Variants in RAD51 observed in about 807,000 individuals in gnomAD.
RAD51 encodes RAD51 recombinase.
A neutral mutation model predicts 41.5 loss-of-function variants in RAD51; 14 were observed. The observed-to-expected ratio is 0.34, with a 90% CI of 0.22 to 0.53. The LOEUF is 0.53. RAD51 is among the 20% of genes least tolerant of loss of function. RAD51 has a pLI of 0.95. For missense variants in RAD51, 234 were observed against 422.0 expected, an observed-to-expected ratio of 0.55 and a Z score of 3.90; for synonymous variants, 136 against 148.6, an observed-to-expected ratio of 0.92 and a Z score of 0.62.
chr15:40,708,682 C>T (rs1895508739), intron 4 of RAD51, among the ~76,000 whole-genome samples: 1 of 152,146 alleles, frequency 6.6e-6, no homozygotes, highest in African/African-American at 2.4e-5. Context: ...CTCCCAGGCT[C>T]AAGTGATCCT....
intron 8 of RAD51, 33 bp downstream of exon 8, chr15:40,729,667 CT>C: frequency 1.2e-6 from 2 of 1,612,860 alleles, no homozygotes; most frequent in Non-Finnish European, 1.7e-6. Context: ...AGAATGCCTA[CT>C]TTCAGTGGCT....
chr15:40,731,247 G>A lies in RAD51; in HGVS notation c.*69G>A. 4 of 1,600,946 alleles carry A rather than the reference G, an allele frequency of 2.5e-6. No homozygotes were observed. The highest frequency in any genetic ancestry group is 3.4e-6 in the Non-Finnish European group (4 of 1,169,196). ...CTAATGAGAGTGCACTGCTCCCTGG[G>A]GTTCTCTACAGGCCTCTTCCTGTTG... On this transcript the variant is annotated 3_prime_UTR_variant, in exon 10 of 10. Coordinates refer to ENST00000267868, the MANE Select transcript of RAD51 (RefSeq NM_002875.5).
At chr15:40,709,520 C>A (rs1463756144) in intron 5 of RAD51, among the ~76,000 whole-genome samples, 5 of 151,426 alleles carry the variant, frequency 3.3e-5, no homozygotes, top group African/African-American at 1.2e-4. Flanking sequence ...ATTACAGGCG[C>A]CCACCAGCAT....
intron 1 of RAD51, among the ~76,000 whole-genome samples, chr15:40,698,251 C>T (rs1040459614): frequency 6.6e-6 from 1 of 151,474 alleles, no homozygotes; most frequent in African/African-American, 2.4e-5. Context: ...TACAGTGGCA[C>T]GATCTCGGCT....
chr15:40,730,511 A>ATTTTTTTTCTTTTT lies in RAD51; in HGVS notation c.897-535_897-522dup, dbSNP rs1490309663. Among the ~76,000 whole-genome samples the ATTTTTTTTCTTTTT allele has an allele frequency of 4.4e-4, 38 of 86,108 alleles. 5 individuals carry two copies. Among genetic ancestry groups the ATTTTTTTTCTTTTT allele is most frequent in the Admixed American group, 9.8e-4 (7 of 7,176 alleles). The allele number at this position is 86,108 out of a possible 152,430, so 56.5% of individuals were successfully genotyped here. On this transcript the variant is annotated intron_variant, in intron 9 of 9. Coordinates refer to ENST00000267868, the MANE Select transcript of RAD51 (RefSeq NM_002875.5). Reference sequence around the variant, plus strand: ...AAGAGCAGGACACTGTCTTGAAAAAATTTTTTTTCTTTTTTTTTTTTTTTT... The same window carrying ATTTTTTTTCTTTTT: ...AAGAGCAGGACACTGTCTTGAAAAAATTTTTTTTCTTTTTTTTTTTTTCTTTTTTTTTTTTTTTT...
intron 5 of RAD51, among the ~76,000 whole-genome samples, chr15:40,712,877 CTTTTTTTTTT>C (rs398039433): frequency 2.2e-4 from 23 of 103,898 alleles, no homozygotes; most frequent in Non-Finnish European, 3.2e-4. Flanking sequence ...CTTTTCTTTT[CTTTTTTTTTT>C]TTTTTTTTTG....
At chr15:40,718,705 TC>T in intron 5 of RAD51, 99 bp from the exon 6 acceptor site, 1 of 1,035,876 alleles carries the variant, frequency 9.7e-7, no homozygotes, top group Non-Finnish European at 1.5e-6. Flanking sequence ...AATGTTTTTT[TC>T]CCTTTGCCTT....
intron 1 of RAD51, 40 bp downstream of exon 1, chr15:40,695,465 G>A (rs914306107): frequency 6.6e-6 from 1 of 152,224 alleles, no homozygotes; most frequent in East Asian, 1.9e-4. Flanking sequence ...CCAGAGCCGC[G>A]GCTCGTCCTC....
chr15:40,726,242 A>ATT (rs34696783), intron 6 of RAD51, among the ~76,000 whole-genome samples: 3 of 124,446 alleles, frequency 2.4e-5, no homozygotes, highest in Middle Eastern at 3.8e-3. Context: ...AGGCCCAGGA[A>ATT]TTTTTTTTTT....
intron 6 of RAD51, among the ~76,000 whole-genome samples, chr15:40,728,199 C>T (rs1244524697): frequency 6.6e-6 from 1 of 152,118 alleles, no homozygotes; most frequent in Non-Finnish European, 1.5e-5. Context: ...CGTGGTGGCT[C>T]ACGCCTGTAG....
At chr15:40,709,155 A>G (rs45564736) in intron 5 of RAD51, 39 bp downstream of exon 5, 28 of 1,516,278 alleles carry the variant, frequency 1.8e-5, no homozygotes, top group South Asian at 6.7e-5. Flanking sequence ...ATAAGCAAGC[A>G]TTACTTCATT....
chr15:40,708,496 G>A (rs1201390066), intron 4 of RAD51, among the ~76,000 whole-genome samples: 3 of 151,876 alleles, frequency 2.0e-5, no homozygotes, highest in Non-Finnish European at 2.9e-5. Flanking sequence ...CTAAAGTGCT[G>A]GGATTACAGG....
At chr15:40,706,330 GTTAGGAA>G (rs781667021) in intron 4 of RAD51, 36 bp downstream of exon 4, 1 of 1,479,368 alleles carries the variant, frequency 6.8e-7, no homozygotes, top group Non-Finnish European at 9.5e-7. Context: ...GTGAACTCTA[GTTAGGAA>G]AGCTTCCAGG....
chr15:40,696,631 A>T (rs1482459523), intron 1 of RAD51, among the ~76,000 whole-genome samples: 1 of 152,194 alleles, frequency 6.6e-6, no homozygotes, highest in Non-Finnish European at 1.5e-5. Context: ...TGTAGTATTT[A>T]ATATTTTCCC....
Position 40,731,114 on chromosome 15 carries a change from G to A in RAD51, c.956G>A (p.Cys319Tyr). 6.2e-7 allele frequency: 1 copy of A among 1,614,128 alleles called. No individual in the cohort carries two copies. Among genetic ancestry groups the A allele is most frequent in the Non-Finnish European group, 8.5e-7 (1 of 1,179,986 alleles). ...ATCTGCAAAATCTACGACTCTCCCT[G>A]TCTTCCTGAAGCTGAAGCTATGTTC... ...TRICKIYDSP[C>Y]LPEAEAMFAI... Residue 319 changes from cysteine to tyrosine, a missense_variant, in exon 10 of 10, where the codon TGT becomes TAT. Cys to Tyr is a radical substitution (Grantham distance 194, BLOSUM62 -2). Transcript: ENST00000267868.
At chr15:40,716,437 C>G (rs896064748) in intron 5 of RAD51, among the ~76,000 whole-genome samples, 10 of 151,888 alleles carry the variant, frequency 6.6e-5, no homozygotes, top group Non-Finnish European at 1.5e-5. Flanking sequence ...CATGATATCG[C>G]TCACTGCACC....
intron 6 of RAD51, among the ~76,000 whole-genome samples, chr15:40,725,976 A>T (rs544116409): frequency 1.3e-5 from 2 of 151,298 alleles, no homozygotes; most frequent in African/African-American, 4.9e-5. Flanking sequence ...ACAGAGTGAG[A>T]CTCCATCTCA....
chr15:40,710,861 C>T (rs1183050663), intron 5 of RAD51, among the ~76,000 whole-genome samples: 1 of 152,150 alleles, frequency 6.6e-6, no homozygotes, highest in African/African-American at 2.4e-5. Context: ...GGACTCTACT[C>T]CTTCCATTTT....
intron 7 of RAD51, 73 bp downstream of exon 7, chr15:40,728,897 C>A: frequency 8.0e-7 from 1 of 1,255,356 alleles, no homozygotes; most frequent in Non-Finnish European, 1.2e-6. Flanking sequence ...GCTATTTGGC[C>A]AGATTGATAG....
Sources: gnomAD v4.1 joint callset for allele counts (sites outside exome capture counted in the v4.1 genomes callset) on GRCh38, gnomAD v4.1.1 for gene constraint, MANE v1.5 for transcripts, NCBI Gene and HGNC (gene_info 2026-07-23, HGNC 2026-07-21) for gene names.